The following DENND5B variants were observed in gnomAD, a reference collection of about 807,000 sequenced individuals.
DENND5B encodes DENN domain-containing protein 5B.
Under a neutral mutation model 140.6 loss-of-function variants are expected in DENND5B, and 34 were observed. The ratio of observed to expected loss-of-function variants is 0.24; its 90% confidence interval spans 0.18 to 0.32. DENND5B has a LOEUF of 0.32. Ranked by LOEUF, DENND5B falls within the 10% of genes least tolerant of loss-of-function variation. The pLI is 1.00. For synonymous variants in DENND5B, 551 were observed against 562.1 expected, an observed-to-expected ratio of 0.98 and a Z score of 0.28; for missense variants, 1,142 against 1,560.2, an observed-to-expected ratio of 0.73 and a Z score of 4.52.
chr12:31,553,034 T>C (rs1470783493), intron 1 of DENND5B, among the ~76,000 whole-genome samples: 2 of 152,188 alleles, frequency 1.3e-5, no homozygotes, highest in East Asian at 3.8e-4. Flanking sequence ...CATTAATTTT[T>C]TGAAGGGTTT....
intron 1 of DENND5B, among the ~76,000 whole-genome samples, chr12:31,579,287 A>G (rs1388297950): frequency 6.6e-6 from 1 of 152,242 alleles, no homozygotes; most frequent in Non-Finnish European, 1.5e-5. Context: ...TCAGCAGCAG[A>G]TAAAATACTA....
chr12:31,432,972 C>CA, intron 8 of DENND5B, 183 bp downstream of exon 8: 1 of 534,698 alleles, frequency 1.9e-6, no homozygotes, highest in Non-Finnish European at 3.2e-6. Flanking sequence ...CTTGAAATTA[C>CA]AAAAATGGAA....
intron 1 of DENND5B, among the ~76,000 whole-genome samples, chr12:31,559,801 C>T (rs1163920089): frequency 6.6e-6 from 1 of 151,910 alleles, no homozygotes; most frequent in Non-Finnish European, 1.5e-5. Flanking sequence ...GCTGTGTGTT[C>T]ACTCTGACCT....
At chr12:31,392,071 G>T (rs1021221691) in intron 19 of DENND5B, among the ~76,000 whole-genome samples, 196 bp downstream of exon 19, 1 of 151,266 alleles carries the variant, frequency 6.6e-6, no homozygotes, top group Non-Finnish European at 1.5e-5. Flanking sequence ...CCTGGGAGGC[G>T]GAGGTTACAG....
intron 1 of DENND5B, among the ~76,000 whole-genome samples, chr12:31,582,872 GGTTATGGGTATGGAT>G (rs1423010285): frequency 6.6e-6 from 1 of 152,202 alleles, no homozygotes; most frequent in Admixed American, 6.5e-5. Flanking sequence ...CAAATATAGT[GGTTATGGGTATGGAT>G]GTTATGGGTA....
intron 7 of DENND5B, among the ~76,000 whole-genome samples, chr12:31,440,595 C>T (rs1943987310): frequency 6.6e-6 from 1 of 152,198 alleles, no homozygotes; most frequent in Non-Finnish European, 1.5e-5. Context: ...TCTAGTGAAC[C>T]ATCCTCTAGT....
At chr12:31,589,809 A>T (rs1592109223) in intron 1 of DENND5B, 1 of 152,128 alleles carries the variant, frequency 6.6e-6, no homozygotes, top group Non-Finnish European at 1.5e-5. Flanking sequence ...GTGAAAAATG[A>T]AATCAGTTGT....
At chr12:31,468,620 A>C (rs2050695318) in intron 3 of DENND5B, among the ~76,000 whole-genome samples, 1 of 151,848 alleles carries the variant, frequency 6.6e-6, no homozygotes, top group Non-Finnish European at 1.5e-5. Flanking sequence ...TAGTCTAGGC[A>C]ACACAGTGAG....
chr12:31,570,773 ACTGTCC>A (rs1252087157), intron 1 of DENND5B, among the ~76,000 whole-genome samples: 5 of 151,934 alleles, frequency 3.3e-5, no homozygotes, highest in Non-Finnish European at 5.9e-5. Context: ...TTACTGTGTA[ACTGTCC>A]CTTCTTAGGT....
At chr12:31,556,568 A>G (rs1256224588) in intron 1 of DENND5B, among the ~76,000 whole-genome samples, 1 of 152,212 alleles carries the variant, frequency 6.6e-6, no homozygotes, top group Non-Finnish European at 1.5e-5. Context: ...GCTTTGCAGA[A>G]CAATATTAAG....
At chr12:31,447,881 C>A in intron 5 of DENND5B, 112 bp from the exon 6 acceptor site, 1 of 795,548 alleles carries the variant, frequency 1.3e-6, no homozygotes, top group Non-Finnish European at 2.0e-6. Flanking sequence ...TCTTATAAAA[C>A]TGACACTTGA....
chr12:31,525,741 A>G (rs1948063481), intron 1 of DENND5B, among the ~76,000 whole-genome samples: 1 of 152,232 alleles, frequency 6.6e-6, no homozygotes, highest in African/African-American at 2.4e-5. Context: ...CTATAATCCC[A>G]GCACTTTGGG....
chr12:31,459,158 C>A (rs1194087774), intron 4 of DENND5B, among the ~76,000 whole-genome samples: 1 of 151,810 alleles, frequency 6.6e-6, no homozygotes, highest in Non-Finnish European at 1.5e-5. Context: ...AGCCAAGATC[C>A]CGCCATTGCA....
chr12:31,495,980 T>C (rs527236429), intron 1 of DENND5B, 61 bp from the exon 2 acceptor site: 24 of 1,206,262 alleles, frequency 2.0e-5, no homozygotes, highest in Admixed American at 2.4e-5. Flanking sequence ...CATAGTTTTC[T>C]ATTTATTTTA....
chr12:31,465,717 T>C (rs1945235210), intron 3 of DENND5B: 2 of 152,238 alleles, frequency 1.3e-5, no homozygotes, highest in African/African-American at 4.8e-5. Context: ...CTCAGACACA[T>C]GCATAATTTG....
chr12:31,429,901 T>G (rs1943430543), intron 8 of DENND5B, among the ~76,000 whole-genome samples: 1 of 151,972 alleles, frequency 6.6e-6, no homozygotes, highest in African/African-American at 2.4e-5. Context: ...CAGATGGGGT[T>G]TCACCATGTT....
intron 14 of DENND5B, among the ~76,000 whole-genome samples, chr12:31,403,314 C>T (rs576963534): frequency 1.3e-5 from 2 of 152,288 alleles, no homozygotes; most frequent in South Asian, 4.1e-4. Context: ...GATGTCACTG[C>T]CCTATCACTG....
intron 1 of DENND5B, among the ~76,000 whole-genome samples, chr12:31,584,568 C>T (rs1031299256): frequency 2.0e-5 from 3 of 152,212 alleles, no homozygotes; most frequent in Non-Finnish European, 1.5e-5. Context: ...AATCCCAGCA[C>T]TTTGGGAGGC....
intron 7 of DENND5B, among the ~76,000 whole-genome samples, chr12:31,439,300 G>T (rs183131006): frequency 7.2e-5 from 11 of 152,124 alleles, no homozygotes; most frequent in African/African-American, 2.7e-4. Context: ...ACCTGAAAAC[G>T]TAATGACTGA....
Sources: gnomAD v4.1 joint callset for allele counts (sites outside exome capture counted in the v4.1 genomes callset) on GRCh38, gnomAD v4.1.1 for gene constraint, MANE v1.5 for transcripts, NCBI Gene and HGNC (gene_info 2026-07-23, HGNC 2026-07-21) for gene names.